SYT1: variants seen among roughly 807,000 people sequenced by gnomAD.
SYT1 encodes the protein synaptotagmin-1.
In SYT1, 8 loss-of-function variants were observed where a neutral mutation model predicts 44.8. That is an observed-to-expected ratio of 0.18 (90% CI 0.10 to 0.32). The LOEUF is 0.32. Ranked by LOEUF, SYT1 falls within the 10% of genes least tolerant of loss-of-function variation. SYT1 has a pLI of 1.00. For missense variants in SYT1, 286 were observed against 509.3 expected, an observed-to-expected ratio of 0.56 and a Z score of 4.22; for synonymous variants, 154 against 188.8, an observed-to-expected ratio of 0.82 and a Z score of 1.51.
chr12:79,026,435 A>G (rs1209459044), intron 2 of SYT1, among the ~76,000 whole-genome samples: 1 of 151,292 alleles, frequency 6.6e-6, no homozygotes, highest in Non-Finnish European at 1.5e-5. Context: ...TATCCATTTA[A>G]CATGTTCTTT....
At chr12:79,278,347 A>C (rs1302246873) in intron 4 of SYT1, among the ~76,000 whole-genome samples, 1 of 152,166 alleles carries the variant, frequency 6.6e-6, no homozygotes, top group Non-Finnish European at 1.5e-5. Flanking sequence ...ACTAAAAATC[A>C]ATTTTAGGAG....
At chr12:79,290,095 A>T (rs1879504975) in intron 5 of SYT1, among the ~76,000 whole-genome samples, 1 of 152,176 alleles carries the variant, frequency 6.6e-6, no homozygotes, top group Non-Finnish European at 1.5e-5. Context: ...GTAGCTAACC[A>T]AATTTGATAA....
At chr12:79,278,720 G>T (rs1878878022) in intron 4 of SYT1, among the ~76,000 whole-genome samples, 1 of 151,828 alleles carries the variant, frequency 6.6e-6, no homozygotes, top group Admixed American at 6.6e-5. Context: ...CAAAAAGTTG[G>T]TTATTTGAAA....
chr12:79,251,529 T>A (rs1482126360), intron 4 of SYT1, among the ~76,000 whole-genome samples: 2 of 152,158 alleles, frequency 1.3e-5, no homozygotes, highest in African/African-American at 4.8e-5. Context: ...AGTCTTCCCA[T>A]AAAGAGTAAG....
intron 1 of SYT1, among the ~76,000 whole-genome samples, chr12:78,966,606 AG>A (rs1868255520): frequency 6.6e-6 from 1 of 152,166 alleles, no homozygotes; most frequent in Non-Finnish European, 1.5e-5. Flanking sequence ...TACTTATATC[AG>A]GTAAGTCAGA....
intron 10 of SYT1, among the ~76,000 whole-genome samples, chr12:79,445,595 C>T (rs907041051): frequency 1.5e-4 from 23 of 151,270 alleles, no homozygotes; most frequent in Non-Finnish European, 3.2e-4. Context: ...ATAATGTCTG[C>T]CAGTTCCATC....
chr12:79,422,693 T>C (rs1353657880), intron 9 of SYT1, among the ~76,000 whole-genome samples: 1 of 151,994 alleles, frequency 6.6e-6, no homozygotes, highest in East Asian at 1.9e-4. Flanking sequence ...TCTCTCTCTC[T>C]CTGGGATTTG....
chr12:79,233,828 C>T (rs1054740613), intron 4 of SYT1, among the ~76,000 whole-genome samples: 10 of 152,198 alleles, frequency 6.6e-5, no homozygotes, highest in Non-Finnish European at 1.5e-5. Flanking sequence ...AACAGTTGAG[C>T]CCTGCATAAT....
At chr12:79,177,048 TG>T (rs1373486337) in intron 3 of SYT1, among the ~76,000 whole-genome samples, 3 of 4,814 alleles carry the variant, frequency 6.2e-4, no homozygotes, top group Non-Finnish European at 1.1e-3. Flanking sequence ...TTTTTTTTTA[TG>T]TTTTTTTTTA....
chr12:78,986,533 A>G (rs1483381774), intron 2 of SYT1, among the ~76,000 whole-genome samples: 4 of 152,074 alleles, frequency 2.6e-5, no homozygotes, highest in Non-Finnish European at 5.9e-5. Context: ...TTAATTAACA[A>G]TTATATCTCC....
intron 3 of SYT1, among the ~76,000 whole-genome samples, chr12:79,155,143 C>T (rs1246406525): frequency 6.6e-6 from 1 of 152,094 alleles, no homozygotes; most frequent in African/African-American, 2.4e-5. Flanking sequence ...CAGAAAAATA[C>T]ATCTTGCTAA....
chr12:78,955,793 A>G (rs1480732077), intron 1 of SYT1, among the ~76,000 whole-genome samples: 1 of 128,754 alleles, frequency 7.8e-6, no homozygotes, highest in Non-Finnish European at 1.6e-5. Context: ...ATTTTCTGCC[A>G]AGATATTTGT....
chr12:78,953,783 G>A (rs569415112), intron 1 of SYT1, among the ~76,000 whole-genome samples: 1 of 152,154 alleles, frequency 6.6e-6, no homozygotes, highest in South Asian at 2.1e-4. Context: ...AATAAGGAAG[G>A]AATATGTGGG....
chr12:79,108,564 A>C (rs981496213), intron 3 of SYT1, among the ~76,000 whole-genome samples: 8 of 152,162 alleles, frequency 5.3e-5, no homozygotes, highest in Non-Finnish European at 1.2e-4. Context: ...CTTGGATAGG[A>C]ATGCAAAAGG....
intron 2 of SYT1, among the ~76,000 whole-genome samples, chr12:79,040,012 C>A (rs1490754613): frequency 1.3e-5 from 2 of 150,992 alleles, no homozygotes; most frequent in Non-Finnish European, 3.0e-5. Flanking sequence ...TTTCTTAATC[C>A]AGTCTATCAT....
chr12:79,202,750 G>C (rs545366154), intron 3 of SYT1, among the ~76,000 whole-genome samples: 3 of 152,126 alleles, frequency 2.0e-5, no homozygotes, highest in African/African-American at 7.2e-5. Context: ...ACACTAAAAG[G>C]TAGAACATTC....
At chr12:79,337,511 G>A (rs996736292) in intron 8 of SYT1, among the ~76,000 whole-genome samples, 1 of 152,176 alleles carries the variant, frequency 6.6e-6, no homozygotes, top group African/African-American at 2.4e-5. Context: ...TGCACTAGCA[G>A]AAGTAGCTAC....
chr12:79,311,784 C>A (rs1047832773), intron 8 of SYT1, among the ~76,000 whole-genome samples: 1 of 144,954 alleles, frequency 6.9e-6, no homozygotes, highest in African/African-American at 2.6e-5. Context: ...AAGCAAACAC[C>A]GCATGTTCTC....
chr12:79,302,824 T>C (rs1333875753), intron 8 of SYT1, among the ~76,000 whole-genome samples: 1 of 152,190 alleles, frequency 6.6e-6, no homozygotes, highest in Non-Finnish European at 1.5e-5. Flanking sequence ...GAAGGTGGAA[T>C]TTGACCTTGG....
Sources: gnomAD v4.1 joint callset for allele counts (sites outside exome capture counted in the v4.1 genomes callset) on GRCh38, gnomAD v4.1.1 for gene constraint, MANE v1.5 for transcripts, NCBI Gene and HGNC (gene_info 2026-07-23, HGNC 2026-07-21) for gene names.